NDST4: variants seen among roughly 807,000 people sequenced by gnomAD.
NDST4 encodes the protein N-deacetylase and N-sulfotransferase 4, also known as N-heparan sulfate sulfotransferase 4.
NDST4 carries 63 observed loss-of-function variants against 100.8 expected under a neutral mutation model. That is an observed-to-expected ratio of 0.62 (90% CI 0.51 to 0.77). The LOEUF (loss-of-function observed/expected upper bound fraction) is 0.77. Ranked by LOEUF, NDST4 falls within the 30% of genes least tolerant of loss-of-function variation. NDST4 has a pLI of 0.00. For synonymous variants in NDST4, 377 were observed against 361.8 expected, an observed-to-expected ratio of 1.04 and a Z score of -0.48; for missense variants, 943 against 1,018.4, an observed-to-expected ratio of 0.93 and a Z score of 1.01.
At chr4:114,927,612 T>C (rs1186483740) in intron 6 of NDST4, among the ~76,000 whole-genome samples, 1 of 152,094 alleles carries the variant, frequency 6.6e-6, no homozygotes, top group African/African-American at 2.4e-5. Context: ...ATCTGGTGTA[T>C]TTACTTTCAC....
intron 4 of NDST4, among the ~76,000 whole-genome samples, chr4:114,964,446 T>G (rs1314033233): frequency 1.3e-5 from 2 of 152,226 alleles, no homozygotes; most frequent in Non-Finnish European, 2.9e-5. Context: ...CTAAGTAACT[T>G]GTTATTAAAC....
intron 6 of NDST4, among the ~76,000 whole-genome samples, chr4:114,894,789 T>C (rs925787745): frequency 2.6e-5 from 4 of 151,998 alleles, no homozygotes; most frequent in African/African-American, 4.8e-5. Context: ...TAAATAGGAG[T>C]GGTGAGAGAG....
At chr4:114,849,376 A>C (rs1289683636) in intron 8 of NDST4, among the ~76,000 whole-genome samples, 2 of 152,248 alleles carry the variant, frequency 1.3e-5, no homozygotes, top group Non-Finnish European at 2.9e-5. Context: ...TAGCCCTAGC[A>C]GAGCTGCAGA....
intron 6 of NDST4, among the ~76,000 whole-genome samples, chr4:114,882,715 T>A (rs886997989): frequency 3.3e-5 from 5 of 151,954 alleles, no homozygotes; most frequent in Admixed American, 3.3e-4. Flanking sequence ...TAATGACAGC[T>A]GAAATATTCT....
chr4:114,971,134 T>A (rs547489585), intron 3 of NDST4, among the ~76,000 whole-genome samples: 189 of 152,236 alleles, frequency 1.2e-3, no homozygotes, highest in Non-Finnish European at 2.3e-3. Context: ...AATCTTTTTC[T>A]ACTTATATTT....
chr4:114,872,749 A>G (rs1361091412), intron 6 of NDST4, among the ~76,000 whole-genome samples: 1 of 151,672 alleles, frequency 6.6e-6, no homozygotes, highest in African/African-American at 2.4e-5. Flanking sequence ...TTTACAGATG[A>G]AAAAAAATGA....
intron 6 of NDST4, among the ~76,000 whole-genome samples, chr4:114,910,603 C>G (rs746513324): frequency 6.6e-6 from 1 of 152,104 alleles, no homozygotes; most frequent in Non-Finnish European, 1.5e-5. Flanking sequence ...ATATATCATT[C>G]AGTCCTGTAA....
chr4:115,056,117 C>G (rs769986228), intron 2 of NDST4, among the ~76,000 whole-genome samples: 1 of 151,996 alleles, frequency 6.6e-6, no homozygotes, highest in African/African-American at 2.4e-5. Flanking sequence ...TTCGTGAGGT[C>G]AAGGCGAGTA....
intron 4 of NDST4, among the ~76,000 whole-genome samples, chr4:114,943,098 A>T (rs1725785483): frequency 6.8e-6 from 1 of 147,760 alleles, no homozygotes. Context: ...AAATTATATT[A>T]TATATGTATA....
At chr4:114,933,986 T>TG (rs981094432) in intron 6 of NDST4, among the ~76,000 whole-genome samples, 23 of 152,178 alleles carry the variant, frequency 1.5e-4, no homozygotes, top group Admixed American at 3.3e-4. Flanking sequence ...ATCCCTTTAC[T>TG]GGGTATATAG....
chr4:115,058,909 A>T lies in NDST4; in HGVS notation c.978+17150T>A, dbSNP rs183886379. Among the ~76,000 whole-genome samples the T allele has an allele frequency of 4.7e-3, 707 of 151,000 alleles. 7 individuals carry two copies. Among genetic ancestry groups the T allele is most frequent in the African/African-American group, 0.016 (642 of 40,508 alleles). ...TAAAACTAATTGTGCTTTTTTATTT[A>T]AAAAAATTAAATGGTTTCATAGAGT... On this transcript the variant is annotated intron_variant, in intron 2 of 13. Transcript: ENST00000264363.
chr4:114,937,809 C>T (rs992975625), intron 4 of NDST4, among the ~76,000 whole-genome samples: 8 of 131,374 alleles, frequency 6.1e-5, no homozygotes, highest in African/African-American at 2.4e-4. Context: ...ATGTGGGGGG[C>T]GGGGAAAGGT....
chr4:114,934,772 A>C (rs530786445), intron 6 of NDST4, among the ~76,000 whole-genome samples: 39 of 144,452 alleles, frequency 2.7e-4, no homozygotes, highest in African/African-American at 9.8e-4. Flanking sequence ...CAAAAATAAT[A>C]AGAATGAGAG....
At chr4:115,048,401 G>GA (rs1256384706) in intron 2 of NDST4, among the ~76,000 whole-genome samples, 2 of 151,778 alleles carry the variant, frequency 1.3e-5, no homozygotes, top group Non-Finnish European at 2.9e-5. Flanking sequence ...TACACTTATT[G>GA]AAAAAAATCC....
Position 114,863,457 on chromosome 4 carries a change from T to C in NDST4, c.1719+7311A>G, listed in dbSNP as rs543325256. Reference sequence around the variant, plus strand: ...ATTATGAAGGGTAAAGGATCTTCCCTCCAAAAAAGCTAAGCATTTAATTGC... The same window carrying C: ...ATTATGAAGGGTAAAGGATCTTCCCCCCAAAAAAGCTAAGCATTTAATTGC... On this transcript the variant is annotated intron_variant, in intron 7 of 13. Coordinates refer to ENST00000264363, the MANE Select transcript of NDST4 (RefSeq NM_022569.3). 7.9e-5 allele frequency among the ~76,000 whole-genome samples: 12 copies of C among 152,338 alleles called. No homozygotes were observed. In the East Asian group the frequency reaches 2.3e-3, roughly 29 times the overall value.
chr4:115,110,986 AG>A (rs1184822850), intron 1 of NDST4, among the ~76,000 whole-genome samples: 1 of 151,962 alleles, frequency 6.6e-6, no homozygotes, highest in Non-Finnish European at 1.5e-5. Context: ...ATGTTTCCCC[AG>A]CTGCTTTCTA....
intron 6 of NDST4, among the ~76,000 whole-genome samples, chr4:114,929,032 C>CCG: frequency 6.8e-6 from 1 of 147,310 alleles, no homozygotes; most frequent in Non-Finnish European, 1.5e-5. Context: ...ATCTGTCTGT[C>CCG]TGTCTGTCTG....
chr4:114,833,485 T>C (rs972704320), intron 12 of NDST4, 121 bp downstream of exon 12: 5 of 663,148 alleles, frequency 7.5e-6, no homozygotes, highest in Non-Finnish European at 1.3e-5. Flanking sequence ...CTTTGATTGC[T>C]TGTAGGTAGC....
chr4:115,037,933 G>A (rs1465682032), intron 2 of NDST4, among the ~76,000 whole-genome samples: 2 of 152,140 alleles, frequency 1.3e-5, no homozygotes, highest in South Asian at 2.1e-4. Context: ...AAACTTTAAG[G>A]TAAGTTCACA....
Sources: allele counts gnomAD v4.1 joint callset (sites outside exome capture counted in the v4.1 genomes callset), GRCh38; gene constraint gnomAD v4.1.1; transcripts MANE v1.5; gene names NCBI Gene and HGNC (gene_info 2026-07-23, HGNC 2026-07-21).